HDAC5: variants seen among roughly 807,000 people sequenced by gnomAD.
HDAC5 encodes the protein antigen NY-CO-9.
HDAC5 carries 25 observed loss-of-function variants against 133.3 expected under a neutral mutation model. That is an observed-to-expected ratio of 0.19 (90% confidence interval 0.14 to 0.26). The LOEUF is 0.26. Ranked by LOEUF, HDAC5 falls within the 10% of genes least tolerant of loss-of-function variation. The pLI is 1.00. For missense variants in HDAC5, 1,041 were observed against 1,460.5 expected, an observed-to-expected ratio of 0.71 and a Z score of 4.68; for synonymous variants, 589 against 610.8, an observed-to-expected ratio of 0.96 and a Z score of 0.53.
Position 44,092,720 on chromosome 17 carries a change from G to A in HDAC5, c.728C>T (p.Pro243Leu), listed in dbSNP as rs2051017315. 1.6e-5 allele frequency: 24 copies of A among 1,500,408 alleles called. No individual in the cohort carries two copies. The highest frequency in any genetic ancestry group is 2.1e-5 in the Non-Finnish European group (24 of 1,123,982). 92.9% of individuals were successfully genotyped at this position (1,500,408 alleles called of 1,614,324 possible). A position where few individuals can be genotyped will look rare whatever the true frequency, so the allele number is the denominator to read the frequency against. The change falls in exon 7 of 27, where the codon CCT (proline) becomes CTT (leucine). Residue 243 changes from proline (P) to leucine (L), a missense_variant. Transcript: ENST00000682912. ...GTCGTCTCGACTGTCGTAGGGCCCA[G>A]GCAAAGGCAGTTTGTAGGAGGGAGG... ...GTPPSYKLPL[P>L]GPYDSRDDFP...
rs143135492 is a variant in HDAC5, at chr17:44,079,192, G to A, written c.3030C>T (p.Ala1010=). Residue 1010 remains alanine, a synonymous_variant, in exon 24 of 27, where the codon GCC becomes GCT. Transcript: ENST00000682912. ...LALEGGHDLT[A]ICDASEACVS... The stretch of plus-strand genomic sequence containing the variant: ...CACAAGCCTCAGAGGCATCACAGAT[G>A]GCGGTCAAGTCATGGCCTCCCTCCA... The A allele has an allele frequency of 4.0e-5, 65 of 1,613,026 alleles. No individual in the cohort carries two copies. In the African/African-American group the frequency reaches 7.3e-4, roughly 18 times the overall value.
chr17:44,091,405 T>G lies in HDAC5; in HGVS notation c.1252A>C (p.Met418Leu). 1 of 1,566,704 alleles carries G rather than the reference T, an allele frequency of 6.4e-7. No individual in the cohort carries two copies. Among genetic ancestry groups the G allele is most frequent in the Non-Finnish European group, 8.6e-7 (1 of 1,156,198 alleles). The change falls in exon 11 of 27, where the codon ATG becomes CTG. Residue 418 changes from methionine (M) to leucine (L), a missense_variant. Met to Leu is a conservative substitution (Grantham distance 15). Around this residue, in one of 9 missense-constraint regions of HDAC5, gnomAD observed 433 missense variants for 531.6 expected, o/e 0.81. Transcript: ENST00000682912. ...RQGGTLTGKF[M>L]STSSIPGCLL... ...CAGCCAGGAATAGAGGATGTGCTCA[T>G]GAACTTGCCGGTCAGCGTGCCACCC... is the stretch of plus-strand genomic sequence containing the variant.
Position 44,117,224 on chromosome 17 carries a change from G to A in HDAC5, c.22+270C>T, listed in dbSNP as rs1382727741. Among the ~76,000 whole-genome samples the A allele has an allele frequency of 5.3e-5, 8 of 152,220 alleles. No homozygotes were observed. In the South Asian group the frequency reaches 1.4e-3, roughly 28 times the overall value. ...CCTGTCTTGGCTAGCAGGGGAAGGC[G>A]AAGCTGGAGCTGAACACCCCTAAGT... On this transcript the variant is annotated intron_variant, in intron 2 of 26. Coordinates refer to ENST00000682912, the MANE Select transcript of HDAC5 (RefSeq NM_005474.5). The surrounding 1 kb of genome is among the most constrained non-coding windows in gnomAD (Gnocchi z 4.2).
At chr17:44,111,133 G>A in intron 2 of HDAC5, 1 of 412,350 alleles carries the variant, frequency 2.4e-6, no homozygotes, top group Non-Finnish European at 4.7e-6. Flanking sequence ...CTGAGCACTT[G>A]GGACAGGAAG....
Position 44,106,593 on chromosome 17 carries a change from CT to C in HDAC5, c.94+4135del, listed in dbSNP as rs34373757. On this transcript the variant is annotated intron_variant, in intron 3 of 26. Coordinates refer to ENST00000682912, the MANE Select transcript of HDAC5 (RefSeq NM_005474.5). ...CTTTTAAAAATCTGCACAAAAGAAG[CT>C]TTTTTTTTTTTTTGAGGCAAAGTCT... 9.1e-3 allele frequency among the ~76,000 whole-genome samples: 1,309 copies of C among 143,466 alleles called. 10 individuals carry two copies. Among genetic ancestry groups the C allele is most frequent in the African/African-American group, 0.023 (901 of 39,290 alleles). 94.1% of individuals were successfully genotyped at this position (143,466 alleles called of 152,430 possible). A position where few individuals can be genotyped will look rare whatever the true frequency, so the allele number is the denominator to read the frequency against.
At chr17:44,088,341 T>C (rs1225256070) in intron 12 of HDAC5, 46 bp downstream of exon 12, 2 of 1,536,832 alleles carry the variant, frequency 1.3e-6, no homozygotes, top group East Asian at 2.5e-5. Flanking sequence ...CTCTCCTGTG[T>C]CCTGCCCCCA....
chr17:44,117,565 G>A lies in HDAC5; in HGVS notation c.-50C>T. The A allele has an allele frequency of 1.9e-6, 3 of 1,601,830 alleles. No individual in the cohort carries two copies. Among genetic ancestry groups the A allele is most frequent in the Non-Finnish European group, 2.6e-6 (3 of 1,171,690 alleles). On this transcript the variant is annotated 5_prime_UTR_variant, in exon 2 of 27. Coordinates refer to ENST00000682912, the MANE Select transcript of HDAC5 (RefSeq NM_005474.5). The surrounding 1 kb of genome is among the most constrained non-coding windows in gnomAD (Gnocchi z 4.2). ...TGGCGTTGGGGGCTGGGACGGGAGGGGGTGGAGCTGCGGTGATGTCAAGAG... is the reference window on the plus strand; with the variant it reads ...TGGCGTTGGGGGCTGGGACGGGAGGAGGTGGAGCTGCGGTGATGTCAAGAG...
rs1295769730 is a variant in HDAC5, at chr17:44,088,501, G to A, written c.1485C>T (p.Arg495=). 2 of 1,612,996 alleles carry A rather than the reference G, an allele frequency of 1.2e-6. No individual in the cohort carries two copies. The highest frequency in any genetic ancestry group is 1.7e-6 in the Non-Finnish European group (2 of 1,179,810). Residue 495 remains arginine, a synonymous_variant, in exon 12 of 27, where the codon CGC becomes CGT. Transcript: ENST00000682912. Reference sequence around the variant, plus strand: ...TCTGCGGCAGCGGTGAGGACTGAGTGCGGCTCAGGGGCCGATGCCGCGGGA... The same window carrying A: ...TCTGCGGCAGCGGTGAGGACTGAGTACGGCTCAGGGGCCGATGCCGCGGGA... ...GKLPRHRPLS[R]TQSSPLPQSP...
At chr17:44,085,929 A>G (rs2050626669) in intron 14 of HDAC5, among the ~76,000 whole-genome samples, 1 of 152,156 alleles carries the variant, frequency 6.6e-6, no homozygotes, top group African/African-American at 2.4e-5. Flanking sequence ...GGTGTGAGCC[A>G]CTGCACCTGG....
At chr17:44,107,986 G>A (rs2052076399) in intron 3 of HDAC5, among the ~76,000 whole-genome samples, 2 of 152,182 alleles carry the variant, frequency 1.3e-5, no homozygotes, top group African/African-American at 4.8e-5. Context: ...ACATAAGGGA[G>A]GCAGAGAATT....
chr17:44,104,039 G>A (rs997976704), intron 3 of HDAC5, among the ~76,000 whole-genome samples: 5 of 151,748 alleles, frequency 3.3e-5, no homozygotes, highest in South Asian at 4.2e-4. Flanking sequence ...GCATAAAATC[G>A]GCTGGGTGCA....
intron 6 of HDAC5, 76 bp downstream of exon 6, chr17:44,093,016 G>A: frequency 9.5e-7 from 1 of 1,047,160 alleles, no homozygotes; most frequent in Non-Finnish European, 1.4e-6. Context: ...CGGGGAAGAA[G>A]CCCCTTGCCA....
intron 1 of HDAC5, among the ~76,000 whole-genome samples, chr17:44,121,105 A>G (rs1047222768): frequency 4.7e-5 from 7 of 150,484 alleles, no homozygotes; most frequent in Middle Eastern, 3.4e-3. Context: ...TTTCTAGAAA[A>G]AAAAAAAAAA....
Position 44,092,544 on chromosome 17 carries a change from C to T in HDAC5, c.773-17G>A. The T allele has an allele frequency of 1.2e-6, 2 of 1,609,394 alleles. No individual in the cohort carries two copies. The highest frequency in any genetic ancestry group is 1.7e-6 in the Non-Finnish European group (2 of 1,176,474). On this transcript the variant is annotated splice_polypyrimidine_tract_variant and intron_variant, in intron 7 of 26. Transcript: ENST00000682912. ...GTTCAGAGGCTGGAGAGAAGGTAAC[C>T]GAGGTTCAGATACGCGCACAGCAGC...
chr17:44,105,578 C>T (rs2051883987), intron 3 of HDAC5, among the ~76,000 whole-genome samples: 1 of 152,194 alleles, frequency 6.6e-6, no homozygotes, highest in Non-Finnish European at 1.5e-5. Context: ...TCCCTAAGCA[C>T]AGCACAGCCC....
rs920640974 is a variant in HDAC5, at chr17:44,123,637, A to G, written c.-323T>C. ...GCTCCGCTCGCCGCCGCCACCAACA[A>G]CAACATTCGGAGACGTCACTCCCGT... On this transcript the variant is annotated 5_prime_UTR_variant, in exon 1 of 27. Coordinates refer to ENST00000682912, the MANE Select transcript of HDAC5 (RefSeq NM_005474.5). 7.6e-6 allele frequency: 3 copies of G among 395,330 alleles called. No individual in the cohort carries two copies. The highest frequency in any genetic ancestry group is 1.3e-5 in the Non-Finnish European group (3 of 224,304). The allele number at this position is 395,330 out of a possible 1,614,324, so 24.5% of individuals were successfully genotyped here. A position where few individuals can be genotyped will look rare whatever the true frequency, so the allele number is the denominator to read the frequency against.
chr17:44,078,690 G>C (rs143780987), intron 25 of HDAC5, 25 bp from the exon 26 acceptor site: 2 of 1,605,940 alleles, frequency 1.2e-6, no homozygotes, highest in South Asian at 2.2e-5. Context: ...CAGGCAAGGG[G>C]TCAGGGAGGG....
intron 7 of HDAC5, 64 bp downstream of exon 7, chr17:44,092,612 C>A (rs2051010138): frequency 2.6e-6 from 4 of 1,542,918 alleles, no homozygotes; most frequent in Non-Finnish European, 3.5e-6. Flanking sequence ...GCTGACACTG[C>A]CACAAGCCCA....
Position 44,092,765 on chromosome 17 carries a change from TG to T in HDAC5, c.682del (p.Gln228ArgfsTer36). 4 of 924,484 alleles carry T rather than the reference TG, an allele frequency of 4.3e-6. No individual in the cohort carries two copies. The highest frequency in any genetic ancestry group is 5.4e-6 in the Non-Finnish European group (4 of 741,240). The allele number at this position is 924,484 out of a possible 1,614,324, so 57.3% of individuals were successfully genotyped here. A position where few individuals can be genotyped will look rare whatever the true frequency, so the allele number is the denominator to read the frequency against. The stretch of plus-strand genomic sequence containing the variant: ...GGGAGGCGTCCCAGGGGGGCCGCTC[TG>T]GGGAGGGGAACTCTGGTCCAAAGAA... ...HASLDQSSPP[Q>X]SGPPGTPPSY... On this transcript the variant is annotated frameshift_variant, in exon 7 of 27. Transcript: ENST00000682912. LOFTEE classifies it high-confidence loss of function.
Sources: allele counts gnomAD v4.1 joint callset (sites outside exome capture counted in the v4.1 genomes callset), GRCh38; gene constraint gnomAD v4.1.1; regional missense constraint gnomAD v4.1.1; non-coding constraint Gnocchi (gnomAD v3.1); transcripts MANE v1.5; gene names NCBI Gene and HGNC (gene_info 2026-07-23, HGNC 2026-07-21).